MAN1B1: variants seen among roughly 807,000 people sequenced by gnomAD.
MAN1B1 encodes endoplasmic reticulum mannosyl-oligosaccharide 1,2-alpha-mannosidase.
A neutral mutation model predicts 75.5 loss-of-function variants in MAN1B1; 66 were observed. The observed-to-expected ratio is 0.87, with a 90% CI of 0.72 to 1.07. The LOEUF (loss-of-function observed/expected upper bound fraction) is 1.07, where lower values mean the gene tolerates loss of function less well. Among genes scored for constraint, MAN1B1 ranks in the 50% least tolerant of loss-of-function variants. MAN1B1 has a pLI of 0.00. For missense variants in MAN1B1, 973 were observed against 912.5 expected, an observed-to-expected ratio of 1.07 and a Z score of -0.85; for synonymous variants, 453 against 382.8, an observed-to-expected ratio of 1.18 and a Z score of -2.14.
At chr9:137,099,964 G>T in intron 6 of MAN1B1, 83 bp downstream of exon 6, 1 of 1,487,480 alleles carries the variant, frequency 6.7e-7, no homozygotes, top group East Asian at 2.3e-5. Flanking sequence ...CACACGGGGT[G>T]AAAGCTGCTG....
chr9:137,106,277 G>C lies in MAN1B1; in HGVS notation c.1407G>C (p.Leu469=), dbSNP rs1831099072. The C allele has an allele frequency of 1.9e-6, 3 of 1,564,332 alleles. No homozygotes were observed. The highest frequency in any genetic ancestry group is 1.7e-6 in the Non-Finnish European group (2 of 1,154,786). Residue 469 remains leucine (L), a synonymous_variant, in exon 9 of 13, where the codon CTG becomes CTC. Transcript: ENST00000371589. ...GGGCCGACAGCTACTATGAGTACCT[G>C]CTGAAGCAGTGGATCCAGGGCGGGA... ...GARADSYYEY[L]LKQWIQGGKQ...
At chr9:137,096,141 G>T in intron 3 of MAN1B1, 96 bp from the exon 4 acceptor site, 1 of 1,299,918 alleles carries the variant, frequency 7.7e-7, no homozygotes, top group Non-Finnish European at 1.1e-6. Context: ...AGCTCAGTCT[G>T]TGAGGTGTGG....
intron 9 of MAN1B1, 55 bp from the exon 10 acceptor site, chr9:137,106,634 C>T: frequency 3.1e-6 from 5 of 1,611,052 alleles, no homozygotes; most frequent in South Asian, 1.1e-5. Flanking sequence ...CCCTGGTGCC[C>T]CACGGGAGCC....
intron 3 of MAN1B1, among the ~76,000 whole-genome samples, chr9:137,090,464 A>T: frequency 6.6e-6 from 1 of 152,036 alleles, no homozygotes; most frequent in Non-Finnish European, 1.5e-5. Flanking sequence ...CCACTGGCTA[A>T]GGATCTCAGC....
rs1176347327 is a variant in MAN1B1, at chr9:137,109,127, C to T, written c.*536C>T. On this transcript the variant is annotated 3_prime_UTR_variant, in exon 13 of 13. Transcript: ENST00000371589. ...CTGGACGGCAAGTCCGTCTAGCTCA[C>T]GGGCCCCTCCAGTGGAATGGGTCTT... 3.7e-5 allele frequency: 17 copies of T among 454,742 alleles called. No homozygotes were observed. The highest frequency in any genetic ancestry group is 2.1e-4 in the Admixed American group (9 of 42,546). 28.2% of individuals were successfully genotyped at this position (454,742 alleles called of 1,614,324 possible).
chr9:137,107,426 C>T lies in MAN1B1; in HGVS notation c.1743C>T (p.Gly581=), dbSNP rs763545690. 8 of 1,613,310 alleles carry T rather than the reference C, an allele frequency of 5.0e-6. No homozygotes were observed. The highest frequency in any genetic ancestry group is 2.7e-5 in the African/African-American group (2 of 74,940). The change falls in exon 11 of 13, where the codon GGC becomes GGT. Residue 581 remains glycine, a synonymous_variant. Transcript: ENST00000371589. ...IVHFNLYPQP[G]RRDVEVKPAD... ...ACTTCAACCTTTACCCCCAGCCGGG[C>T]CGTCGGGACGTGGAGGTCAAGGTGG...
intron 9 of MAN1B1, 111 bp from the exon 10 acceptor site, chr9:137,106,578 C>T: frequency 1.3e-6 from 2 of 1,558,038 alleles, no homozygotes; most frequent in Non-Finnish European, 1.8e-6. Flanking sequence ...TTCTGTCCGG[C>T]AAGGGCCAGG....
In MAN1B1 at chr9:137,098,771, T is replaced by G. The variant is rs369609823; in HGVS notation, c.730+834T>G. On this transcript the variant is annotated intron_variant, in intron 5 of 12. Transcript: ENST00000371589. ...TTGTAATCCCAGCACTTTGGGAGGC[T>G]GAGGTAGAAGGATCTCTTGAGTCCA... 1.4e-3 allele frequency among the ~76,000 whole-genome samples: 220 copies of G among 152,096 alleles called. No homozygotes were observed. The Middle Eastern group carries it at 0.02, about 14-fold the overall frequency.
At chr9:137,102,920 ACGC>A (rs1830916822) in intron 8 of MAN1B1, 1 of 407,664 alleles carries the variant, frequency 2.5e-6, no homozygotes, top group Non-Finnish European at 4.7e-6. Flanking sequence ...ACACACATTC[ACGC>A]TGTTGCAGGC....
intron 3 of MAN1B1, among the ~76,000 whole-genome samples, chr9:137,090,605 T>G (rs1362926042): frequency 6.6e-6 from 1 of 151,856 alleles, no homozygotes; most frequent in Non-Finnish European, 1.5e-5. Context: ...AGTGGTGTGA[T>G]CTCAGCTCAC....
intron 4 of MAN1B1, among the ~76,000 whole-genome samples, chr9:137,097,314 G>A (rs1021337871): frequency 2.0e-5 from 3 of 152,186 alleles, no homozygotes; most frequent in Non-Finnish European, 2.9e-5. Flanking sequence ...CCAAGAGAAC[G>A]CTCGGGCCCA....
chr9:137,103,852 C>T (rs1415843041), intron 8 of MAN1B1: 3 of 454,508 alleles, frequency 6.6e-6, no homozygotes, highest in African/African-American at 6.1e-5. Context: ...CACACATTCA[C>T]ACTTGCAGGC....
At chr9:137,092,296 T>C (rs1382450499) in intron 3 of MAN1B1, among the ~76,000 whole-genome samples, 1 of 152,076 alleles carries the variant, frequency 6.6e-6, no homozygotes, top group Admixed American at 6.5e-5. Flanking sequence ...AGGTTGAGGC[T>C]ACAGTGAGCT....
At chr9:137,105,662 AC>A (rs1405694838) in intron 8 of MAN1B1, 1 of 333,484 alleles carries the variant, frequency 3.0e-6, no homozygotes, top group East Asian at 9.0e-5. Flanking sequence ...GGTGGCTGTG[AC>A]TTGGAGGATG....
In MAN1B1 at chr9:137,108,592, G is replaced by A. The variant is rs761382773; in HGVS notation, c.*1G>A. ...TCTGCCTATCTGGACCCCTGCCTAG[G>A]GTGGATGGCTGCTGGTGTGGGGACT... On this transcript the variant is annotated 3_prime_UTR_variant, in exon 13 of 13. Transcript: ENST00000371589. The A allele has an allele frequency of 1.8e-5, 29 of 1,613,506 alleles. No individual in the cohort carries two copies. The South Asian group carries it at 3.1e-4, about 17-fold the overall frequency.
At chr9:137,103,770 A>G (rs1273923574) in intron 8 of MAN1B1, 3 of 449,670 alleles carry the variant, frequency 6.7e-6, no homozygotes, top group Non-Finnish European at 1.3e-5. Context: ...TGTTACATTC[A>G]CACTGTTGCA....
chr9:137,101,231 A>T, intron 7 of MAN1B1, 78 bp downstream of exon 7: 1 of 1,556,960 alleles, frequency 6.4e-7, no homozygotes, highest in Non-Finnish European at 8.8e-7. Context: ...ACTTGTGGGG[A>T]CGTGACTGTC....
At chr9:137,096,940 C>T (rs1243592884) in intron 4 of MAN1B1, among the ~76,000 whole-genome samples, 3 of 152,248 alleles carry the variant, frequency 2.0e-5, no homozygotes, top group East Asian at 3.8e-4. Context: ...GACGTCCTCT[C>T]TCTTCTACAA....
At chr9:137,099,356 C>G (rs1234766553) in intron 5 of MAN1B1, among the ~76,000 whole-genome samples, 1 of 152,268 alleles carries the variant, frequency 6.6e-6, no homozygotes, top group East Asian at 1.9e-4. Flanking sequence ...GGCAGCCACC[C>G]TTGTCCCTTT....
Sources: allele counts gnomAD v4.1 joint callset (sites outside exome capture counted in the v4.1 genomes callset), GRCh38; gene constraint gnomAD v4.1.1; transcripts MANE v1.5; gene names NCBI Gene and HGNC (gene_info 2026-07-23, HGNC 2026-07-21).